The following TANGO6 variants were observed in gnomAD, a reference collection of about 807,000 sequenced individuals.
TANGO6 encodes the protein transport and golgi organization 6 homolog, also known as transport and Golgi organization protein 6 homolog.
A neutral mutation model predicts 114.2 loss-of-function variants in TANGO6; 90 were observed. The observed-to-expected ratio is 0.79, with a 90% CI of 0.66 to 0.94. TANGO6 has a LOEUF of 0.94. Among genes scored for constraint, TANGO6 ranks in the 40% least tolerant of loss-of-function variants. TANGO6 has a pLI of 0.00. For synonymous variants in TANGO6, 477 were observed against 509.8 expected (o/e 0.94, Z 0.87); for missense variants, 1,274 against 1,315.3 (o/e 0.97, Z 0.49).
intron 10 of TANGO6, among the ~76,000 whole-genome samples, chr16:68,908,319 G>A (rs960490370): frequency 6.6e-6 from 1 of 152,084 alleles, no homozygotes; most frequent in African/African-American, 2.4e-5. Flanking sequence ...TACCTCCCAT[G>A]TTCACACCCG....
chr16:68,919,021 G>A (rs1963050964), intron 11 of TANGO6, 64 bp from the exon 12 acceptor site: 3 of 1,536,810 alleles, frequency 2.0e-6, no homozygotes, highest in African/African-American at 1.4e-5. Context: ...GACATAAGAT[G>A]TAAGGAGAAT....
intron 7 of TANGO6, among the ~76,000 whole-genome samples, chr16:68,882,279 G>A (rs766714332): frequency 3.2e-4 from 49 of 151,980 alleles, no homozygotes; most frequent in Admixed American, 8.5e-4. Context: ...GGCAGATCAC[G>A]AGGTCAGGAG....
At chr16:69,009,693 C>G (rs1964128215) in intron 15 of TANGO6, among the ~76,000 whole-genome samples, 1 of 152,080 alleles carries the variant, frequency 6.6e-6, no homozygotes, top group South Asian at 2.1e-4. Flanking sequence ...GGATGTCTTT[C>G]CATTTATTTG....
intron 15 of TANGO6, among the ~76,000 whole-genome samples, chr16:68,977,970 G>T (rs1963781681): frequency 1.3e-5 from 2 of 152,094 alleles, no homozygotes; most frequent in Non-Finnish European, 2.9e-5. Flanking sequence ...ACAGGTGTGA[G>T]CCACTGCACC....
At position 68,907,578 on chromosome 16, in the gene TANGO6, A is replaced by G; in HGVS notation, c.1800+3A>G. On this transcript the variant is annotated splice_donor_region_variant and intron_variant, in intron 10 of 17. Coordinates refer to ENST00000261778, the MANE Select transcript of TANGO6 (RefSeq NM_024562.2). ...ACTTCTTCATCTTCTGTTTGAAAGT[A>G]AGAACTACCTGTAGTTCCTGGTCAG... The G allele has an allele frequency of 6.2e-7, 1 of 1,610,982 alleles. No homozygotes were observed.
chr16:69,020,837 C>A (rs1037481168), intron 15 of TANGO6, among the ~76,000 whole-genome samples: 1 of 151,698 alleles, frequency 6.6e-6, no homozygotes, highest in African/African-American at 2.4e-5. Context: ...ATTGAGGCTG[C>A]AGTGAGCTGT....
chr16:68,905,083 G>A (rs966205372), intron 9 of TANGO6, among the ~76,000 whole-genome samples: 9 of 152,064 alleles, frequency 5.9e-5, no homozygotes, highest in Non-Finnish European at 8.8e-5. Context: ...TTAGCCGGGC[G>A]TGGTGGCATG....
intron 1 of TANGO6, among the ~76,000 whole-genome samples, chr16:68,850,421 A>G (rs1961882148): frequency 6.6e-6 from 1 of 152,238 alleles, no homozygotes; most frequent in South Asian, 2.1e-4. Flanking sequence ...ATTATATAAA[A>G]TGTGTAATCA....
In TANGO6 at chr16:68,899,452, C is replaced by G. The variant is rs1962754365; in HGVS notation, c.1378-982C>G. 2.6e-5 allele frequency among the ~76,000 whole-genome samples: 4 copies of G among 151,362 alleles called. No individual in the cohort carries two copies. The Admixed American group carries it at 2.6e-4, about 10-fold the overall frequency. ...TTTGTGCTAGCCTTATTGAAAGGTA[C>G]AACTAAAACATGCAGCATTACGATT... On this transcript the variant is annotated intron_variant, in intron 7 of 17. Transcript: ENST00000261778.
At chr16:68,933,763 G>T (rs1343570808) in intron 14 of TANGO6, 1 of 152,232 alleles carries the variant, frequency 6.6e-6, no homozygotes, top group East Asian at 1.9e-4. Flanking sequence ...AAAGTCAAGG[G>T]ATAGAGAAAT....
At chr16:68,963,517 T>C (rs997147536) in intron 14 of TANGO6, among the ~76,000 whole-genome samples, 3 of 152,222 alleles carry the variant, frequency 2.0e-5, no homozygotes, top group Admixed American at 6.5e-5. Context: ...TTTCTCTGTT[T>C]ATAAATAAAG....
At chr16:68,961,111 G>A (rs1963585280) in intron 14 of TANGO6, among the ~76,000 whole-genome samples, 1 of 152,184 alleles carries the variant, frequency 6.6e-6, no homozygotes, top group Non-Finnish European at 1.5e-5. Flanking sequence ...CCACAGTGGG[G>A]GATGCTGGCT....
chr16:69,023,703 C>T (rs927211073), intron 16 of TANGO6, among the ~76,000 whole-genome samples: 9 of 151,750 alleles, frequency 5.9e-5, no homozygotes, highest in Non-Finnish European at 1.0e-4. Context: ...CCTCTTTGGC[C>T]GAGGCACCCT....
At chr16:68,964,266 T>C (rs183215425) in intron 14 of TANGO6, among the ~76,000 whole-genome samples, 44 of 152,192 alleles carry the variant, frequency 2.9e-4, no homozygotes, top group African/African-American at 1.0e-3. Context: ...TATGAATATG[T>C]ACAATTATTA....
chr16:68,945,373 AT>A (rs892082269), intron 14 of TANGO6, among the ~76,000 whole-genome samples: 2 of 151,284 alleles, frequency 1.3e-5, no homozygotes, highest in African/African-American at 2.4e-5. Context: ...TTTTTATTTT[AT>A]TTTTTTTTAA....
intron 15 of TANGO6, among the ~76,000 whole-genome samples, chr16:69,006,897 A>G (rs1964096414): frequency 6.6e-6 from 1 of 152,222 alleles, no homozygotes. Context: ...GGACATTTTC[A>G]TCACCCCAAA....
chr16:68,896,534 CT>C (rs1182632673), intron 7 of TANGO6, among the ~76,000 whole-genome samples: 1 of 151,804 alleles, frequency 6.6e-6, no homozygotes, highest in African/African-American at 2.4e-5. Flanking sequence ...TGGTCTTGAA[CT>C]CCTGGGCACA....
chr16:69,006,882 A>G (rs1964096302), intron 15 of TANGO6, among the ~76,000 whole-genome samples: 2 of 152,232 alleles, frequency 1.3e-5, no homozygotes, highest in Non-Finnish European at 2.9e-5. Context: ...ATTACAATCA[A>G]TTTAGGACAT....
intron 14 of TANGO6, among the ~76,000 whole-genome samples, chr16:68,956,953 T>G (rs1256811223): frequency 2.0e-5 from 3 of 152,122 alleles, no homozygotes; most frequent in African/African-American, 7.2e-5. Context: ...ATTCAGGAAA[T>G]CTCAAGCAGG....
Sources: allele counts gnomAD v4.1 joint callset (sites outside exome capture counted in the v4.1 genomes callset), GRCh38; gene constraint gnomAD v4.1.1; transcripts MANE v1.5; gene names NCBI Gene and HGNC (gene_info 2026-07-23, HGNC 2026-07-21).